LOXL2: variants seen among roughly 807,000 people sequenced by gnomAD.
LOXL2 encodes lysyl oxidase like 2, also known as lysyl oxidase homolog 2.
Under a neutral mutation model 93.0 loss-of-function variants are expected in LOXL2, and 70 were observed. The ratio of observed to expected loss-of-function variants is 0.75; its 90% CI spans 0.62 to 0.92. The LOEUF (loss-of-function observed/expected upper bound fraction) is 0.92. Among genes scored for constraint, LOXL2 ranks in the 40% least tolerant of loss-of-function variants. The pLI is 0.00. For missense variants in LOXL2, 973 were observed against 1,054.9 expected (o/e 0.92, Z 1.08); for synonymous variants, 438 against 413.2 (o/e 1.06, Z -0.73).
At chr8:23,392,970 A>G (rs944841321) in intron 1 of LOXL2, among the ~76,000 whole-genome samples, 1 of 152,222 alleles carries the variant, frequency 6.6e-6, no homozygotes, top group East Asian at 1.9e-4. Flanking sequence ...TAGCATCAAA[A>G]ATAATAAAAT....
chr8:23,326,582 C>A (rs574913581), intron 6 of LOXL2, among the ~76,000 whole-genome samples: 1 of 152,114 alleles, frequency 6.6e-6, no homozygotes, highest in Non-Finnish European at 1.5e-5. Context: ...GGTGAAACCC[C>A]GTCTTTACTA....
intron 7 of LOXL2, among the ~76,000 whole-genome samples, chr8:23,320,973 C>T (rs1803486738): frequency 6.6e-6 from 1 of 152,194 alleles, no homozygotes. Flanking sequence ...TTCTTGGCTC[C>T]TGAATCTGCT....
chr8:23,381,783 C>T (rs191085210), intron 1 of LOXL2, among the ~76,000 whole-genome samples: 438 of 152,338 alleles, frequency 2.9e-3, no homozygotes, highest in African/African-American at 6.8e-3. Flanking sequence ...AGGATGGGGA[C>T]GGCGAGGCCA....
chr8:23,329,417 TAGAC>T (rs1157180555), intron 5 of LOXL2, among the ~76,000 whole-genome samples: 1 of 152,206 alleles, frequency 6.6e-6, no homozygotes, highest in African/African-American at 2.4e-5. Flanking sequence ...TTTACTGAGT[TAGAC>T]AGGAGTAAGA....
intron 11 of LOXL2, among the ~76,000 whole-genome samples, chr8:23,302,797 G>A (rs899119417): frequency 3.3e-5 from 5 of 152,200 alleles, no homozygotes; most frequent in Non-Finnish European, 7.3e-5. Context: ...TGATCACAGG[G>A]CAGGTGTGGT....
intron 6 of LOXL2, among the ~76,000 whole-genome samples, chr8:23,323,013 G>A (rs1803520129): frequency 6.6e-6 from 1 of 152,196 alleles, no homozygotes; most frequent in African/African-American, 2.4e-5. Flanking sequence ...CGACTCTGCC[G>A]GAGAGTTCTG....
At chr8:23,306,845 G>C (rs1195325410) in intron 10 of LOXL2, among the ~76,000 whole-genome samples, 5 of 152,246 alleles carry the variant, frequency 3.3e-5, no homozygotes, top group Non-Finnish European at 5.9e-5. Flanking sequence ...CAGTTGAGCA[G>C]CGGTGGCCCC....
chr8:23,303,316 G>T lies in LOXL2; in HGVS notation c.1962C>A (p.Ala654=). The change falls in exon 11 of 14, where the codon GCC becomes GCA. Residue 654 remains alanine, a synonymous_variant. Coordinates refer to ENST00000389131, the MANE Select transcript of LOXL2 (RefSeq NM_002318.3). ...ATTCTGTGTCCTCCAAGCAGAAGCT[G>T]GCCTTGTGGCCCTCTGCCACCTTGG... is the stretch of plus-strand genomic sequence containing the variant. ...NGTKVAEGHK[A]SFCLEDTECE... The T allele has an allele frequency of 3.7e-6, 6 of 1,613,478 alleles. No homozygotes were observed. The highest frequency in any genetic ancestry group is 5.1e-6 in the Non-Finnish European group (6 of 1,179,708).
rs77751611 is a variant in LOXL2, at chr8:23,306,703, G to A, written c.1880+2965C>T. On this transcript the variant is annotated intron_variant, in intron 10 of 13. Coordinates refer to ENST00000389131, the MANE Select transcript of LOXL2 (RefSeq NM_002318.3). ...CTGTCATCTGAGCTGGAGCCCACACGCCCTGCTTCTCCAACTCCTAGCTCC... is the reference window on the plus strand; with the variant it reads ...CTGTCATCTGAGCTGGAGCCCACACACCCTGCTTCTCCAACTCCTAGCTCC... Among the ~76,000 whole-genome samples, 505 of 152,354 alleles carry A rather than the reference G, an allele frequency of 3.3e-3. 3 individuals carry two copies. The highest frequency in any genetic ancestry group is 0.012 in the African/African-American group (488 of 41,590).
chr8:23,298,131 C>T lies in LOXL2; in HGVS notation c.2246-9G>A, dbSNP rs180912393. ...TTCGCTGAAGGAACCACCTGAAGAGCGAGAATCGGGTAGAGAGAGTGGACA... is the reference window on the plus strand; with the variant it reads ...TTCGCTGAAGGAACCACCTGAAGAGTGAGAATCGGGTAGAGAGAGTGGACA... On this transcript the variant is annotated splice_polypyrimidine_tract_variant and intron_variant, in intron 13 of 13. Transcript: ENST00000389131. The T allele has an allele frequency of 1.3e-4, 216 of 1,609,936 alleles. No homozygotes were observed. In the African/African-American group the frequency reaches 2.5e-3, roughly 19 times the overall value.
chr8:23,398,375 T>A (rs2117242499), intron 1 of LOXL2, among the ~76,000 whole-genome samples: 1 of 152,266 alleles, frequency 6.6e-6, no homozygotes, highest in South Asian at 2.1e-4. Context: ...CTGACGTGGA[T>A]CGTAGGAATG....
intron 1 of LOXL2, among the ~76,000 whole-genome samples, chr8:23,392,524 G>T (rs1047859627): frequency 2.0e-5 from 3 of 152,144 alleles, no homozygotes; most frequent in Non-Finnish European, 4.4e-5. Context: ...CTGATCACAT[G>T]CCTCTTCTGG....
At chr8:23,328,285 T>C (rs1803616959) in intron 6 of LOXL2, 97 bp downstream of exon 6, 1 of 1,317,776 alleles carries the variant, frequency 7.6e-7, no homozygotes, top group Non-Finnish European at 1.1e-6. Flanking sequence ...GGAGGGAAAG[T>C]GAGGATTTCC....
chr8:23,333,683 C>A lies in LOXL2; in HGVS notation c.744-60G>T, dbSNP rs1803744364. 9.4e-6 allele frequency: 13 copies of A among 1,377,058 alleles called. No individual in the cohort carries two copies. The South Asian group carries it at 1.4e-4, about 14-fold the overall frequency. 85.3% of individuals were successfully genotyped at this position (1,377,058 alleles called of 1,614,324 possible). A position where few individuals can be genotyped will look rare whatever the true frequency, so the allele number is the denominator to read the frequency against. ...ATCATGACGCCTACCCCGATTCCTT[C>A]TGCAACGAGGCAGAACATGAGAGAC... On this transcript the variant is annotated intron_variant, in intron 4 of 13. Transcript: ENST00000389131.
chr8:23,363,439 G>A (rs576355658), intron 2 of LOXL2: 1 of 152,296 alleles, frequency 6.6e-6, no homozygotes, highest in African/African-American at 2.4e-5. Context: ...AAGCTCCACT[G>A]AAACATACAC....
Position 23,320,024 on chromosome 8 carries a change from T to A in LOXL2, c.1331A>T (p.Tyr444Phe). Residue 444 changes from tyrosine (Y) to phenylalanine (F), a missense_variant, in exon 8 of 14, where the codon TAC becomes TTC. By Grantham distance (22) the Tyr-to-Phe change is conservative (BLOSUM62 3). Coordinates refer to ENST00000389131, the MANE Select transcript of LOXL2 (RefSeq NM_002318.3). ...KLRLNGGRNPYEGRVEVLVER... is the reference protein window; with the variant it reads ...KLRLNGGRNPFEGRVEVLVER... The stretch of plus-strand genomic sequence containing the variant: ...CACCAGCACCTCCACTCGGCCCTCG[T>A]AGGGATTGCGGCCGCCGTTCAGGCG... 6.2e-7 allele frequency: 1 copy of A among 1,613,976 alleles called. No homozygotes were observed. Among genetic ancestry groups the A allele is most frequent in the African/African-American group, 1.3e-5 (1 of 75,022 alleles).
intron 1 of LOXL2, among the ~76,000 whole-genome samples, chr8:23,378,457 T>C (rs946898847): frequency 5.3e-5 from 8 of 152,192 alleles, no homozygotes; most frequent in Non-Finnish European, 1.2e-4. Flanking sequence ...TGTGGCATTC[T>C]CTGTATTTCC....
At chr8:23,345,879 T>G (rs1459583258) in intron 3 of LOXL2, among the ~76,000 whole-genome samples, 2 of 151,784 alleles carry the variant, frequency 1.3e-5, no homozygotes, top group Non-Finnish European at 2.9e-5. Context: ...CCATCCTGGC[T>G]AACACGGTGA....
chr8:23,367,865 T>C, intron 2 of LOXL2, 132 bp downstream of exon 2: 1 of 738,602 alleles, frequency 1.4e-6, no homozygotes. Context: ...AGGATGCCAG[T>C]CCCTGGATGG....
Sources: gnomAD v4.1 joint callset for allele counts (sites outside exome capture counted in the v4.1 genomes callset) on GRCh38, gnomAD v4.1.1 for gene constraint, MANE v1.5 for transcripts, NCBI Gene and HGNC (gene_info 2026-07-23, HGNC 2026-07-21) for gene names.